EXOC6B: variants seen among roughly 807,000 people sequenced by gnomAD.
EXOC6B encodes the protein SEC15 homolog B.
A neutral mutation model predicts 113.5 loss-of-function variants in EXOC6B; 54 were observed. The ratio of observed to expected loss-of-function variants is 0.48; its 90% CI spans 0.38 to 0.60. EXOC6B has a LOEUF of 0.60. Ranked by LOEUF, EXOC6B falls within the 20% of genes least tolerant of loss-of-function variation. The probability of loss-of-function intolerance (pLI) is 0.00; values close to 1 mark genes in which losing one functional copy is unlikely to be tolerated. For synonymous variants in EXOC6B, 357 were observed against 339.0 expected, an observed-to-expected ratio of 1.05 and a Z score of -0.58; for missense variants, 797 against 977.5, an observed-to-expected ratio of 0.82 and a Z score of 2.46.
At chr2:72,817,421 A>ACTGAT (rs1686313571) in intron 1 of EXOC6B, among the ~76,000 whole-genome samples, 1 of 152,230 alleles carries the variant, frequency 6.6e-6, no homozygotes, top group African/African-American at 2.4e-5. Context: ...AAGACAGTTA[A>ACTGAT]TCTGCAAATC....
At chr2:72,742,629 C>G (rs1681399618) in intron 1 of EXOC6B, among the ~76,000 whole-genome samples, 1 of 152,212 alleles carries the variant, frequency 6.6e-6, no homozygotes, top group Non-Finnish European at 1.5e-5. Flanking sequence ...TTTAAACACT[C>G]TCTCCAGTAG....
At chr2:72,751,769 T>C (rs953958622) in intron 1 of EXOC6B, among the ~76,000 whole-genome samples, 5 of 151,690 alleles carry the variant, frequency 3.3e-5, no homozygotes, top group Admixed American at 1.3e-4. Context: ...ATACAATGGG[T>C]TTAATGGGAG....
intron 17 of EXOC6B, among the ~76,000 whole-genome samples, chr2:72,466,537 G>A (rs1419390623): frequency 2.0e-5 from 3 of 151,822 alleles, no homozygotes; most frequent in African/African-American, 7.3e-5. Flanking sequence ...TCTGTAATTT[G>A]TACTGCCCTC....
chr2:72,300,940 C>T (rs893378449), intron 20 of EXOC6B, among the ~76,000 whole-genome samples: 10 of 152,180 alleles, frequency 6.6e-5, no homozygotes, highest in South Asian at 2.1e-4. Context: ...GCATCAATCT[C>T]GCTGGGAGGT....
intron 19 of EXOC6B, among the ~76,000 whole-genome samples, chr2:72,378,325 T>G (rs1691480758): frequency 6.6e-6 from 1 of 152,220 alleles, no homozygotes; most frequent in Non-Finnish European, 1.5e-5. Context: ...CAGCCCTATA[T>G]GCCAGTCTCT....
At position 72,465,141 on chromosome 2, in the gene EXOC6B, GTA is replaced by G. The variant is rs1491485498; in HGVS notation, c.1980+17_1980+18del. ...AATCTTTTTATATATAAAGGACAAA[GTA>G]AGCAACTGCCACTTACAGGAAGGTG... On this transcript the variant is annotated intron_variant, in intron 18 of 21. Transcript: ENST00000272427. 11 of 1,091,486 alleles carry G rather than the reference GTA, an allele frequency of 1.0e-5. No homozygotes were observed. The highest frequency in any genetic ancestry group is 1.4e-5 in the Non-Finnish European group (11 of 808,456). The allele number at this position is 1,091,486 out of a possible 1,614,324, so 67.6% of individuals were successfully genotyped here.
intron 1 of EXOC6B, among the ~76,000 whole-genome samples, chr2:72,745,616 T>C (rs575728438): frequency 6.6e-6 from 1 of 152,210 alleles, no homozygotes; most frequent in East Asian, 1.9e-4. Context: ...TATATGCATT[T>C]TTAAGAAAAA....
intron 19 of EXOC6B, among the ~76,000 whole-genome samples, chr2:72,376,684 A>T (rs1224254628): frequency 6.6e-6 from 1 of 152,150 alleles, no homozygotes; most frequent in African/African-American, 2.4e-5. Context: ...ATATTAAATT[A>T]TTTAAAGCCC....
intron 6 of EXOC6B, among the ~76,000 whole-genome samples, chr2:72,717,446 A>G (rs1287152769): frequency 1.3e-5 from 2 of 152,158 alleles, no homozygotes; most frequent in Non-Finnish European, 2.9e-5. Context: ...TAATAAAATC[A>G]ATGTGACAAA....
chr2:72,224,846 G>GTATA (rs771058234), intron 20 of EXOC6B, among the ~76,000 whole-genome samples: 1 of 148,484 alleles, frequency 6.7e-6, no homozygotes. Flanking sequence ...GTATGTGTGT[G>GTATA]TATATATATA....
intron 6 of EXOC6B, among the ~76,000 whole-genome samples, chr2:72,595,964 T>G (rs955612899): frequency 2.0e-5 from 3 of 152,040 alleles, no homozygotes; most frequent in Non-Finnish European, 4.4e-5. Flanking sequence ...TCTAAAAATC[T>G]TATCACCAAG....
chr2:72,580,219 G>A (rs577064595), intron 6 of EXOC6B, among the ~76,000 whole-genome samples: 1 of 138,704 alleles, frequency 7.2e-6, no homozygotes, highest in South Asian at 2.2e-4. Flanking sequence ...TCGGCTCACT[G>A]CAACCTCTGC....
intron 19 of EXOC6B, among the ~76,000 whole-genome samples, chr2:72,357,699 A>AAC (rs1354732407): frequency 6.6e-6 from 1 of 151,826 alleles, no homozygotes; most frequent in African/African-American, 2.4e-5. Flanking sequence ...TAAAAAAAAA[A>AAC]AAGATGATAA....
chr2:72,584,623 A>G (rs1705432946), intron 6 of EXOC6B, among the ~76,000 whole-genome samples: 1 of 152,196 alleles, frequency 6.6e-6, no homozygotes, highest in Non-Finnish European at 1.5e-5. Flanking sequence ...ACTAACAGAC[A>G]TTCTGGACCT....
chr2:72,317,450 A>G (rs566848768), intron 20 of EXOC6B, among the ~76,000 whole-genome samples: 1 of 152,180 alleles, frequency 6.6e-6, no homozygotes, highest in Admixed American at 6.5e-5. Context: ...GAAAAAACAC[A>G]CAGAAAACCA....
chr2:72,622,613 G>C (rs2104199367), intron 6 of EXOC6B, among the ~76,000 whole-genome samples: 1 of 152,240 alleles, frequency 6.6e-6, no homozygotes. Flanking sequence ...TGGAGGCTGA[G>C]GTGGGAGGAT....
intron 8 of EXOC6B, among the ~76,000 whole-genome samples, chr2:72,547,288 C>T (rs982322209): frequency 1.8e-4 from 27 of 152,140 alleles, no homozygotes; most frequent in Non-Finnish European, 3.8e-4. Flanking sequence ...TCATATAATA[C>T]TGGGGGATTG....
At chr2:72,667,647 G>T (rs1198020172) in intron 6 of EXOC6B, among the ~76,000 whole-genome samples, 1 of 152,110 alleles carries the variant, frequency 6.6e-6, no homozygotes, top group Non-Finnish European at 1.5e-5. Context: ...TCAATAAATG[G>T]TACTGGGATA....
chr2:72,256,799 T>G (rs1375111957), intron 20 of EXOC6B, among the ~76,000 whole-genome samples: 1 of 152,208 alleles, frequency 6.6e-6, no homozygotes, highest in Non-Finnish European at 1.5e-5. Flanking sequence ...CAGAGCTAGA[T>G]GATTACTGAA....
Sources: gnomAD v4.1 joint callset for allele counts (sites outside exome capture counted in the v4.1 genomes callset) on GRCh38, gnomAD v4.1.1 for gene constraint, MANE v1.5 for transcripts, NCBI Gene and HGNC (gene_info 2026-07-23, HGNC 2026-07-21) for gene names.